Variants in MLLT3 observed in about 807,000 individuals in gnomAD.
MLLT3 encodes protein AF-9.
Under a neutral mutation model 53.2 loss-of-function variants are expected in MLLT3, and 4 were observed. That is an observed-to-expected ratio of 0.08 (90% CI 0.04 to 0.17). The LOEUF is 0.17. Ranked by LOEUF, MLLT3 falls within the 10% of genes least tolerant of loss-of-function variation. The pLI is 1.00. For synonymous variants in MLLT3, 283 were observed against 230.6 expected (o/e 1.23, Z -2.06); for missense variants, 569 against 684.0 (o/e 0.83, Z 1.87).
At chr9:20,569,533 A>G (rs1446614972) in intron 2 of MLLT3, among the ~76,000 whole-genome samples, 1 of 152,186 alleles carries the variant, frequency 6.6e-6, no homozygotes, top group Non-Finnish European at 1.5e-5. Context: ...CAGAGCTGTT[A>G]GAAAGACTAC....
chr9:20,543,043 T>G (rs1818683506), intron 2 of MLLT3, among the ~76,000 whole-genome samples: 1 of 152,240 alleles, frequency 6.6e-6, no homozygotes, highest in South Asian at 2.1e-4. Flanking sequence ...CCTCTCAGCC[T>G]TCAAAGAATT....
intron 4 of MLLT3, among the ~76,000 whole-genome samples, chr9:20,421,162 G>C (rs1254767923): frequency 6.6e-6 from 1 of 152,128 alleles, no homozygotes; most frequent in African/African-American, 2.4e-5. Context: ...TATTTGGGAG[G>C]CTGAGGCAGG....
chr9:20,489,709 A>G (rs1260034817), intron 2 of MLLT3, among the ~76,000 whole-genome samples: 1 of 152,226 alleles, frequency 6.6e-6, no homozygotes, highest in African/African-American at 2.4e-5. Flanking sequence ...GCACAATGCA[A>G]AACAACTCAG....
intron 2 of MLLT3, among the ~76,000 whole-genome samples, chr9:20,615,185 A>C (rs1332479263): frequency 2.0e-5 from 3 of 151,140 alleles, no homozygotes; most frequent in Admixed American, 6.6e-5. Context: ...CTCTACCAAA[A>C]ACACACACAC....
intron 4 of MLLT3, among the ~76,000 whole-genome samples, chr9:20,417,051 G>C (rs1822888798): frequency 7.1e-6 from 1 of 141,064 alleles, no homozygotes; most frequent in East Asian, 2.1e-4. Flanking sequence ...ATACATATGG[G>C]GGTCTTGTCA....
intron 2 of MLLT3, among the ~76,000 whole-genome samples, chr9:20,460,132 T>C (rs1188122232): frequency 6.6e-6 from 1 of 152,198 alleles, no homozygotes; most frequent in Non-Finnish European, 1.5e-5. Context: ...TTTAAACAAG[T>C]AGAACCATGT....
rs190868261 is a variant in MLLT3 at position 20,455,354 on chromosome 9, A to G, written c.276+1350T>C. Among the ~76,000 whole-genome samples the G allele has an allele frequency of 5.1e-4, 77 of 152,336 alleles. 1 individual carries two copies. Among genetic ancestry groups the G allele is most frequent in the African/African-American group, 1.5e-3 (64 of 41,584 alleles). On this transcript the variant is annotated intron_variant, in intron 3 of 10. Transcript: ENST00000380338. ...TGCTGAATTGAGGACTGAGACTGCT[A>G]TAAGTTAAAAAGGCCAGTGTGACAC...
intron 4 of MLLT3, among the ~76,000 whole-genome samples, chr9:20,436,007 A>G (rs1255533381): frequency 6.6e-6 from 1 of 152,124 alleles, no homozygotes; most frequent in East Asian, 1.9e-4. Context: ...AATTCTATTA[A>G]AGGGTACTAC....
rs766457803 is a variant in MLLT3 at position 20,448,307 on chromosome 9, G to A, written c.277-41C>T. ...AATTATGAAAGAAAAAAGAGAGTGA[G>A]GCATAAGTGAAATTTTAAAAGCAAA... On this transcript the variant is annotated intron_variant, in intron 3 of 10. Transcript: ENST00000380338. The surrounding 1 kb of genome is among the most constrained non-coding windows in gnomAD (Gnocchi z 4.0). 4 of 1,586,062 alleles carry A rather than the reference G, an allele frequency of 2.5e-6. No homozygotes were observed. The South Asian group carries it at 3.5e-5, about 14-fold the overall frequency.
intron 4 of MLLT3, among the ~76,000 whole-genome samples, chr9:20,429,180 CA>C (rs1475957525): frequency 6.6e-6 from 1 of 151,980 alleles, no homozygotes; most frequent in Non-Finnish European, 1.5e-5. Context: ...CCAGCCTGGG[CA>C]ATATAGCAAG....
At chr9:20,517,583 TC>T (rs1360550020) in intron 2 of MLLT3, among the ~76,000 whole-genome samples, 1 of 152,140 alleles carries the variant, frequency 6.6e-6, no homozygotes, top group Admixed American at 6.5e-5. Flanking sequence ...ACGCCTATTA[TC>T]CCAGCACTTT....
intron 2 of MLLT3, among the ~76,000 whole-genome samples, chr9:20,465,616 CAG>C (rs1371223023): frequency 6.6e-6 from 1 of 152,124 alleles, no homozygotes; most frequent in African/African-American, 2.4e-5. Flanking sequence ...CCTAACTCGA[CAG>C]AAACACCAAA....
chr9:20,456,785 C>T lies in MLLT3; in HGVS notation c.195G>A (p.Val65=). The T allele has an allele frequency of 1.3e-6, 2 of 1,581,924 alleles. No homozygotes were observed. The highest frequency in any genetic ancestry group is 1.7e-4 in the Middle Eastern group (1 of 5,984). The change falls in exon 3 of 11, where the codon GTG becomes GTA. Residue 65 remains valine, a splice_region_variant and synonymous_variant. Coordinates refer to ENST00000380338, the MANE Select transcript of MLLT3 (RefSeq NM_004529.4). The part of the protein sequence containing the change: ...LHESFPRPKR[V]CKDPPYKVEE... Reference sequence around the variant, plus strand: ...CTACTTTGTAAGGTGGATCTTTGCACACTGCAACATTAAAAAAGAAAATAG... The same window carrying T: ...CTACTTTGTAAGGTGGATCTTTGCATACTGCAACATTAAAAAAGAAAATAG...
intron 2 of MLLT3, among the ~76,000 whole-genome samples, chr9:20,504,186 C>T (rs1198388386): frequency 6.6e-6 from 1 of 152,104 alleles, no homozygotes; most frequent in Admixed American, 6.5e-5. Flanking sequence ...AATTCCAAAA[C>T]TGTGTATACA....
At position 20,358,935 on chromosome 9, in the gene MLLT3, A is replaced by G. The variant is rs551801441; in HGVS notation, c.1431+1807T>C. Among the ~76,000 whole-genome samples the G allele has an allele frequency of 8.5e-5, 13 of 152,116 alleles. 1 individual carries two copies. In the South Asian group the frequency reaches 2.7e-3, roughly 32 times the overall value. On this transcript the variant is annotated intron_variant, in intron 8 of 10. Transcript: ENST00000380338. The stretch of plus-strand genomic sequence containing the variant: ...ACTTTGTGAGGCGCATGATGAGGTC[A>G]AGAGATCGAGACCATCCTGGCCAAC...
chr9:20,355,447 A>C (rs868162723), intron 8 of MLLT3, among the ~76,000 whole-genome samples: 1 of 152,220 alleles, frequency 6.6e-6, no homozygotes, highest in African/African-American at 2.4e-5. Flanking sequence ...ACCCTTGGTA[A>C]AACGCCAAGT....
intron 5 of MLLT3, among the ~76,000 whole-genome samples, chr9:20,401,780 C>G (rs1563951426): frequency 6.6e-6 from 1 of 152,106 alleles, no homozygotes; most frequent in East Asian, 1.9e-4. Flanking sequence ...GCTGGGGAAA[C>G]TTTTTTGTTA....
intron 10 of MLLT3, among the ~76,000 whole-genome samples, chr9:20,352,867 G>A (rs1245813611): frequency 1.3e-5 from 2 of 151,870 alleles, no homozygotes; most frequent in Admixed American, 6.6e-5. Context: ...TTCTCTTTGG[G>A]TGTTAAAAAA....
At chr9:20,419,938 T>C (rs1408647278) in intron 4 of MLLT3, among the ~76,000 whole-genome samples, 1 of 152,198 alleles carries the variant, frequency 6.6e-6, no homozygotes, top group Non-Finnish European at 1.5e-5. Flanking sequence ...CAACATGAAT[T>C]CCTGACACAG....
Sources: allele counts gnomAD v4.1 joint callset (sites outside exome capture counted in the v4.1 genomes callset), GRCh38; gene constraint gnomAD v4.1.1; non-coding constraint Gnocchi (gnomAD v3.1); transcripts MANE v1.5; gene names NCBI Gene and HGNC (gene_info 2026-07-23, HGNC 2026-07-21).